ADGRF5: variants seen among roughly 807,000 people sequenced by gnomAD.
ADGRF5 encodes the protein G-protein coupled receptor 116.
Under a neutral mutation model 132.3 loss-of-function variants are expected in ADGRF5, and 75 were observed. That is an observed-to-expected ratio of 0.57 (90% CI 0.47 to 0.69). The LOEUF (loss-of-function observed/expected upper bound fraction) is 0.69, where lower values mean the gene tolerates loss of function less well. Among genes scored for constraint, ADGRF5 ranks in the 30% least tolerant of loss-of-function variants. The pLI, the probability that ADGRF5 is intolerant of heterozygous loss-of-function variation, is 0.00. For missense variants in ADGRF5, 1,516 were observed against 1,630.6 expected, an observed-to-expected ratio of 0.93 and a Z score of 1.21; for synonymous variants, 629 against 597.6, an observed-to-expected ratio of 1.05 and a Z score of -0.77.
At chr6:46,877,310 C>T (rs1311244082) in intron 10 of ADGRF5, among the ~76,000 whole-genome samples, 129 of 19,492 alleles carry the variant, frequency 6.6e-3, no homozygotes, top group South Asian at 0.017. Flanking sequence ...TCTCTCTTTC[C>T]TTCCTTCCTT....
At chr6:46,945,889 C>T (rs1778285332) in intron 1 of ADGRF5, among the ~76,000 whole-genome samples, 1 of 152,164 alleles carries the variant, frequency 6.6e-6, no homozygotes, top group Non-Finnish European at 1.5e-5. Flanking sequence ...GGAGCTTGTT[C>T]AGGGGAACTC....
intron 11 of ADGRF5, among the ~76,000 whole-genome samples, chr6:46,871,388 A>G (rs1339278019): frequency 6.6e-6 from 1 of 152,188 alleles, no homozygotes; most frequent in Non-Finnish European, 1.5e-5. Flanking sequence ...GGAACAGGTG[A>G]AATGGGAGAG....
At chr6:46,871,702 C>T (rs983521350) in intron 11 of ADGRF5, 141 bp downstream of exon 11, 2 of 496,252 alleles carry the variant, frequency 4.0e-6, no homozygotes, top group Non-Finnish European at 3.6e-6. Context: ...TTTCTATCTC[C>T]CATTGTGTGA....
In ADGRF5 at chr6:46,853,120, T is replaced by C. The variant is rs1768665057; in HGVS notation, c.*872A>G. 2 of 152,614 alleles carry C rather than the reference T, an allele frequency of 1.3e-5. No homozygotes were observed. The highest frequency in any genetic ancestry group is 2.9e-5 in the Non-Finnish European group (2 of 68,044). The allele number at this position is 152,614 out of a possible 1,614,324, so 9.5% of individuals were successfully genotyped here. A position where few individuals can be genotyped will look rare whatever the true frequency, so the allele number is the denominator to read the frequency against. ...AAAATATAAGGCTTTTCTGATAAACTATAAAAATTTAATCAGCACTTGGAT... is the reference window on the plus strand; with the variant it reads ...AAAATATAAGGCTTTTCTGATAAACCATAAAAATTTAATCAGCACTTGGAT... On this transcript the variant is annotated 3_prime_UTR_variant, in exon 21 of 21. Coordinates refer to ENST00000283296, the MANE Select transcript of ADGRF5 (RefSeq NM_001098518.2).
At chr6:46,953,669 A>ATATATATATATATATATG (rs1778602941) in intron 1 of ADGRF5, among the ~76,000 whole-genome samples, 1 of 131,822 alleles carries the variant, frequency 7.6e-6, no homozygotes, top group Non-Finnish European at 1.6e-5. Flanking sequence ...ATATATATAT[A>ATATATATATATATATATG]TATATATATA....
At chr6:46,923,032 T>C (rs1228657389), upstream of ADGRF5, among the ~76,000 whole-genome samples, 1 of 152,220 alleles carries the variant, frequency 6.6e-6, no homozygotes. Flanking sequence ...GTTCAAGCGA[T>C]TCTCCTGCCT....
chr6:46,924,045 C>A (rs1407733034), upstream of ADGRF5, among the ~76,000 whole-genome samples: 3 of 152,142 alleles, frequency 2.0e-5, no homozygotes, highest in Non-Finnish European at 4.4e-5. Flanking sequence ...TCATTAGAGA[C>A]AAAGCTCCTA....
intron 1 of ADGRF5, among the ~76,000 whole-genome samples, chr6:46,953,742 A>G (rs1778616134): frequency 7.1e-6 from 1 of 141,704 alleles, no homozygotes; most frequent in South Asian, 2.3e-4. Context: ...CCCCTGTAGC[A>G]GGGTATGGAA....
In ADGRF5 at chr6:46,906,695, A is replaced by G. The variant is rs772557217; in HGVS notation, c.68T>C (p.Leu23Pro). The G allele has an allele frequency of 6.3e-7, 1 of 1,596,490 alleles. No individual in the cohort carries two copies. The highest frequency in any genetic ancestry group is 1.1e-5 in the South Asian group (1 of 90,714). Residue 23 changes from leucine (L) to proline (P), a missense_variant, in exon 2 of 21, where the codon CTG becomes CCG. By Grantham distance (98) the Leu-to-Pro change is moderately conservative. Around this residue, in one of 2 missense-constraint regions of ADGRF5, gnomAD observed 945 missense variants for 929.4 expected, o/e 1.02. Transcript: ENST00000283296. The part of the protein sequence containing the change: ...FIVIYSSKAA[L>P]NWNYESTIHP... ...AATAGTAGACTCGTAATTCCAGTTC[A>G]GTGCAGCTTTGGAAGAATAAATCAC...
At position 46,953,566 on chromosome 6, in the gene ADGRF5, G is replaced by C. The variant is rs184477527; in HGVS notation, c.-25+1168C>G. 2.7e-3 allele frequency among the ~76,000 whole-genome samples: 399 copies of C among 148,814 alleles called. 1 individual carries two copies. Among genetic ancestry groups the C allele is most frequent in the Middle Eastern group, 0.021 (6 of 282 alleles). ...GAACCCAAGAGGCAGAGGTTGTGCT[G>C]AGATTGCACCACTGTACTCCAGGCT... On this transcript the variant is annotated intron_variant, in intron 1 of 20. Coordinates refer to the ADGRF5 transcript ENST00000265417.
At chr6:46,896,196 C>G (rs1774162974) in intron 3 of ADGRF5, among the ~76,000 whole-genome samples, 1 of 152,084 alleles carries the variant, frequency 6.6e-6, no homozygotes, top group African/African-American at 2.4e-5. Context: ...TCATCAGTCA[C>G]CTCTCTGTGG....
At chr6:46,948,477 T>TGA (rs1237830268) in intron 1 of ADGRF5, among the ~76,000 whole-genome samples, 2 of 12,580 alleles carry the variant, frequency 1.6e-4, no homozygotes, top group African/African-American at 9.2e-4. Flanking sequence ...CTCTAGTGAG[T>TGA]GTGTGTGTGT....
At chr6:46,875,636 G>A (rs2150821270) in intron 10 of ADGRF5, among the ~76,000 whole-genome samples, 1 of 152,234 alleles carries the variant, frequency 6.6e-6, no homozygotes, top group Middle Eastern at 3.4e-3. Flanking sequence ...AATTAGCAGG[G>A]TGTGGTGGCA....
intron 1 of ADGRF5, among the ~76,000 whole-genome samples, chr6:46,944,912 G>T (rs1421781368): frequency 6.6e-6 from 1 of 152,108 alleles, no homozygotes; most frequent in Non-Finnish European, 1.5e-5. Context: ...ATCTGTACTG[G>T]CTCAGTGCTT....
chr6:46,883,512 A>C, intron 6 of ADGRF5, 47 bp downstream of exon 6: 1 of 901,296 alleles, frequency 1.1e-6, no homozygotes, highest in South Asian at 1.4e-5. Context: ...GACTCAGTTC[A>C]GTCCAAACAG....
intron 10 of ADGRF5, among the ~76,000 whole-genome samples, chr6:46,877,254 T>C (rs1242535651): frequency 2.9e-5 from 1 of 34,484 alleles, no homozygotes. Flanking sequence ...TTTCTTTCTT[T>C]CTTTCTTTCT....
chr6:46,917,078 A>G (rs1776480840), intron 1 of ADGRF5, among the ~76,000 whole-genome samples: 1 of 152,228 alleles, frequency 6.6e-6, no homozygotes, highest in African/African-American at 2.4e-5. Context: ...GACACTTGCC[A>G]TATGGCAAGC....
chr6:46,868,181 G>A (rs1340724571), intron 12 of ADGRF5, among the ~76,000 whole-genome samples: 1 of 152,190 alleles, frequency 6.6e-6, no homozygotes, highest in Non-Finnish European at 1.5e-5. Context: ...GACCACTGGA[G>A]CCAGTCAATC....
chr6:46,917,034 T>C (rs1562236836), intron 1 of ADGRF5, among the ~76,000 whole-genome samples: 1 of 152,250 alleles, frequency 6.6e-6, no homozygotes, highest in Admixed American at 6.5e-5. Flanking sequence ...GTAACAACAA[T>C]TACTATAATT....
Sources: gnomAD v4.1 joint callset for allele counts (sites outside exome capture counted in the v4.1 genomes callset) on GRCh38, gnomAD v4.1.1 for gene constraint, gnomAD v4.1.1 regional missense constraint, MANE v1.5 for transcripts, NCBI Gene and HGNC (gene_info 2026-07-23, HGNC 2026-07-21) for gene names.